Variants in FHIT observed in about 807,000 individuals in gnomAD.
FHIT encodes fragile histidine triad diadenosine triphosphatase.
Under a neutral mutation model 17.9 loss-of-function variants are expected in FHIT, and 19 were observed. That is an observed-to-expected ratio of 1.06 (90% CI 0.74 to 1.56). The LOEUF is 1.56. FHIT is among the 40% of genes most tolerant of loss of function. The pLI, the probability that FHIT is intolerant of heterozygous loss-of-function variation, is 0.00. For missense variants in FHIT, 248 were observed against 189.2 expected (o/e 1.31, Z -1.82); for synonymous variants, 81 against 69.7 (o/e 1.16, Z -0.81).
intron 4 of FHIT, among the ~76,000 whole-genome samples, chr3:60,558,894 G>A (rs2036835650): frequency 6.6e-6 from 1 of 152,186 alleles, no homozygotes; most frequent in African/African-American, 2.4e-5. Flanking sequence ...TGGCAGCCCT[G>A]AGATGGTTCG....
intron 4 of FHIT, among the ~76,000 whole-genome samples, chr3:60,701,422 T>TC (rs782506020): frequency 1.5e-4 from 22 of 151,448 alleles, no homozygotes; most frequent in Non-Finnish European, 2.8e-4. Flanking sequence ...CAAATCAGTC[T>TC]CCCCCCCAAA....
At chr3:59,821,232 A>G (rs999408734) in intron 8 of FHIT, among the ~76,000 whole-genome samples, 1 of 152,206 alleles carries the variant, frequency 6.6e-6, no homozygotes, top group Non-Finnish European at 1.5e-5. Context: ...AGGACTGGCA[A>G]AGGAATAAAC....
chr3:60,149,063 C>G (rs911789606), intron 5 of FHIT, among the ~76,000 whole-genome samples: 1 of 152,166 alleles, frequency 6.6e-6, no homozygotes, highest in Admixed American at 6.5e-5. Context: ...AAATAATTTC[C>G]TTTGGACACT....
At chr3:60,162,461 C>A (rs886437647) in intron 5 of FHIT, among the ~76,000 whole-genome samples, 2 of 152,090 alleles carry the variant, frequency 1.3e-5, no homozygotes, top group African/African-American at 4.8e-5. Flanking sequence ...CCAATGAGAT[C>A]GTGCAGTCCA....
At chr3:59,749,945 C>T (rs1354940723) in intron 9 of FHIT, 1 of 225,448 alleles carries the variant, frequency 4.4e-6, no homozygotes, top group Non-Finnish European at 8.8e-6. Context: ...GTTACCACAT[C>T]TGACTGCTGG....
At chr3:60,577,956 T>C (rs73834246) in intron 4 of FHIT, among the ~76,000 whole-genome samples, 1,975 of 152,246 alleles carry the variant, frequency 0.013, 61 homozygotes, top group African/African-American at 0.045. Flanking sequence ...GGGATCACTT[T>C]AAGTTCCTAA....
At chr3:60,863,147 A>T (rs1703996447) in intron 3 of FHIT, among the ~76,000 whole-genome samples, 1 of 152,194 alleles carries the variant, frequency 6.6e-6, no homozygotes, top group African/African-American at 2.4e-5. Context: ...TGAATCATTG[A>T]TGGTTCTAAA....
chr3:60,001,754 G>A (rs145182436), intron 7 of FHIT, among the ~76,000 whole-genome samples: 71 of 152,206 alleles, frequency 4.7e-4, no homozygotes, highest in Middle Eastern at 6.8e-3. Context: ...GAGATTCATC[G>A]ATGGTCATCT....
chr3:60,462,958 C>A (rs2032568090), intron 5 of FHIT, among the ~76,000 whole-genome samples: 1 of 152,224 alleles, frequency 6.6e-6, no homozygotes, highest in African/African-American at 2.4e-5. Flanking sequence ...CTGATGTGCA[C>A]TGACCACCTC....
rs1288014253 is a variant in FHIT at position 60,124,031 on chromosome 3, G to GAC, written c.104-109880_104-109879insGT. ...ATATAGAGAGAGAGAGAGAGAGAGA[G>GAC]AGAGAGAGAGAGAGAGAGAGAGAGA... On this transcript the variant is annotated intron_variant, in intron 5 of 9. Coordinates refer to ENST00000492590, the MANE Select transcript of FHIT (RefSeq NM_002012.4). Among the ~76,000 whole-genome samples the GAC allele has an allele frequency of 8.6e-3, 923 of 107,176 alleles. 5 individuals carry two copies. The highest frequency in any genetic ancestry group is 0.014 in the Non-Finnish European group (698 of 50,932). 70.3% of individuals were successfully genotyped at this position (107,176 alleles called of 152,430 possible).
chr3:59,821,790 ATATT>A (rs1419756147), intron 8 of FHIT, among the ~76,000 whole-genome samples: 2 of 151,690 alleles, frequency 1.3e-5, no homozygotes, highest in African/African-American at 4.8e-5. Context: ...ATTTAGTGAT[ATATT>A]TATTTTTAAT....
At chr3:60,901,758 T>C (rs1262058412) in intron 3 of FHIT, among the ~76,000 whole-genome samples, 2 of 152,170 alleles carry the variant, frequency 1.3e-5, no homozygotes, top group African/African-American at 2.4e-5. Context: ...GATTTCAGCA[T>C]GTGTACTAGG....
chr3:60,296,256 G>A (rs1708203989), intron 5 of FHIT, among the ~76,000 whole-genome samples: 1 of 152,046 alleles, frequency 6.6e-6, no homozygotes, highest in East Asian at 1.9e-4. Flanking sequence ...GAGGAACAGG[G>A]AAGCAAGAAG....
rs565230322 is a variant in FHIT, at chr3:60,878,365, T to C, written c.-110-56354A>G. On this transcript the variant is annotated intron_variant, in intron 3 of 9. Coordinates refer to ENST00000492590, the MANE Select transcript of FHIT (RefSeq NM_002012.4). ...GAACTCAAAGCAATGGAACTGCTTG[T>C]AGGCCATGTAAGAGGGATCCTCTTG... is the stretch of plus-strand genomic sequence containing the variant. 3.9e-5 allele frequency among the ~76,000 whole-genome samples: 6 copies of C among 152,132 alleles called. 1 individual carries two copies. Among genetic ancestry groups the C allele is most frequent in the Non-Finnish European group, 8.8e-5 (6 of 68,032 alleles).
intron 4 of FHIT, among the ~76,000 whole-genome samples, chr3:60,570,862 A>T (rs2037353208): frequency 6.6e-6 from 1 of 152,154 alleles, no homozygotes; most frequent in Non-Finnish European, 1.5e-5. Flanking sequence ...AATGAAAAAA[A>T]AATAGTGCAC....
intron 4 of FHIT, among the ~76,000 whole-genome samples, chr3:60,607,746 C>G (rs2038653237): frequency 6.6e-6 from 1 of 152,070 alleles, no homozygotes; most frequent in Non-Finnish European, 1.5e-5. Context: ...TTTAGGAAAA[C>G]TTTTGTCTGC....
chr3:61,051,006 T>A (rs2034004683), intron 2 of FHIT, among the ~76,000 whole-genome samples: 1 of 152,198 alleles, frequency 6.6e-6, no homozygotes, highest in Non-Finnish European at 1.5e-5. Flanking sequence ...CTTTCAATAC[T>A]CATACACGTG....
intron 5 of FHIT, among the ~76,000 whole-genome samples, chr3:60,388,388 C>T (rs933171984): frequency 6.6e-6 from 1 of 152,056 alleles, no homozygotes; most frequent in Non-Finnish European, 1.5e-5. Context: ...CTGCTTGAGT[C>T]CAGGAGTACG....
At position 60,500,809 on chromosome 3, in the gene FHIT, C is replaced by T. The variant is rs150912766; in HGVS notation, c.103+36051G>A. 2.5e-3 allele frequency among the ~76,000 whole-genome samples: 354 copies of T among 139,696 alleles called. 3 individuals are homozygous for T. Among genetic ancestry groups the T allele is most frequent in the African/African-American group, 8.8e-3 (318 of 36,244 alleles). 91.6% of individuals were successfully genotyped at this position (139,696 alleles called of 152,430 possible). A position where few individuals can be genotyped will look rare whatever the true frequency, so the allele number is the denominator to read the frequency against. The stretch of plus-strand genomic sequence containing the variant: ...AAAAAAAAAAAAAATTGTATTGGTG[C>T]TCTATTCATTAGGTCAGCTGGCTGA... On this transcript the variant is annotated intron_variant, in intron 5 of 9. Transcript: ENST00000492590.
Sources: gnomAD v4.1 joint callset for allele counts (sites outside exome capture counted in the v4.1 genomes callset) on GRCh38, gnomAD v4.1.1 for gene constraint, MANE v1.5 for transcripts, NCBI Gene and HGNC (gene_info 2026-07-23, HGNC 2026-07-21) for gene names.